KALRN: variants seen among roughly 807,000 people sequenced by gnomAD.
The protein encoded by KALRN is kalirin RhoGEF kinase.
In KALRN, 70 loss-of-function variants were observed where a neutral mutation model predicts 353.7. That is an observed-to-expected ratio of 0.20 (90% CI 0.16 to 0.24). KALRN has a LOEUF of 0.24. Ranked by LOEUF, KALRN falls within the 10% of genes least tolerant of loss-of-function variation. KALRN has a pLI of 1.00. For missense variants in KALRN, 2,791 were observed against 3,756.7 expected (o/e 0.74, Z 6.72); for synonymous variants, 1,391 against 1,434.8 (o/e 0.97, Z 0.69).
chr3:124,338,145 C>A (rs913124715), intron 9 of KALRN, among the ~76,000 whole-genome samples: 1 of 152,044 alleles, frequency 6.6e-6, no homozygotes, highest in African/African-American at 2.4e-5. Context: ...TTCAGTTCTT[C>A]TCTGATCTTA....
chr3:124,537,355 T>A (rs2109265672), intron 33 of KALRN, among the ~76,000 whole-genome samples: 1 of 152,296 alleles, frequency 6.6e-6, no homozygotes, highest in Admixed American at 6.5e-5. Context: ...AGAAATTTTT[T>A]AAAACCACGA....
intron 1 of KALRN, among the ~76,000 whole-genome samples, chr3:124,111,570 T>C (rs373277283): frequency 1.3e-5 from 2 of 152,208 alleles, no homozygotes; most frequent in Non-Finnish European, 2.9e-5. Flanking sequence ...ACCAACTGTG[T>C]CTATCACAGT....
At chr3:124,066,806 G>T (rs1271518257) in intron 1 of KALRN, among the ~76,000 whole-genome samples, 1 of 152,308 alleles carries the variant, frequency 6.6e-6, no homozygotes, top group East Asian at 1.9e-4. Flanking sequence ...GGAACAGGTG[G>T]AGAGTGATGG....
At chr3:124,393,272 ACT>A (rs2150042595) in intron 11 of KALRN, among the ~76,000 whole-genome samples, 1 of 151,956 alleles carries the variant, frequency 6.6e-6, no homozygotes, top group South Asian at 2.1e-4. Context: ...GGCCCCTGAA[ACT>A]CTGCCTCTCT....
intron 13 of KALRN, among the ~76,000 whole-genome samples, chr3:124,400,676 A>G (rs938343121): frequency 1.3e-5 from 2 of 152,318 alleles, no homozygotes. Context: ...AAGAGAGGGT[A>G]TGGGTCATTA....
At position 124,364,296 on chromosome 3, in the gene KALRN, G is replaced by A. The variant is rs577226259; in HGVS notation, c.1770+17031G>A. On this transcript the variant is annotated intron_variant, in intron 10 of 59. Transcript: ENST00000682506. ...ATAGCTCTTGGCCTGTGAATGTCAG[G>A]AACAGTCAAGAGTTTCAGAAAATTA... is the stretch of plus-strand genomic sequence containing the variant. Among the ~76,000 whole-genome samples, 9 of 152,298 alleles carry A rather than the reference G, an allele frequency of 5.9e-5. No individual in the cohort carries two copies. In the South Asian group the frequency reaches 1.9e-3, roughly 32 times the overall value.
intron 25 of KALRN, among the ~76,000 whole-genome samples, chr3:124,471,864 G>A (rs2060935919): frequency 6.6e-6 from 1 of 151,674 alleles, no homozygotes; most frequent in South Asian, 2.1e-4. Context: ...CTACTCGGGA[G>A]GCTGAGGCAG....
chr3:124,555,248 TCAGCCCGGCG>T (rs2071074704), intron 33 of KALRN, among the ~76,000 whole-genome samples: 1 of 151,824 alleles, frequency 6.6e-6, no homozygotes, highest in Admixed American at 6.6e-5. Flanking sequence ...AAAAAAGTTC[TCAGCCCGGCG>T]CAGTGGCTCA....
At chr3:124,666,388 A>G (rs2085623353) in intron 45 of KALRN, 61 bp from the exon 46 acceptor site, 1 of 1,517,828 alleles carries the variant, frequency 6.6e-7, no homozygotes, top group Non-Finnish European at 9.1e-7. Context: ...CTGTGGACCC[A>G]GAGGGCAGTG....
intron 1 of KALRN, among the ~76,000 whole-genome samples, chr3:124,115,104 G>A (rs576086041): frequency 1.3e-5 from 2 of 152,298 alleles, no homozygotes; most frequent in Non-Finnish European, 2.9e-5. Flanking sequence ...ATGGGTAAAA[G>A]TTGGGCTTGT....
At position 124,663,189 on chromosome 3, in the gene KALRN, C is replaced by T. The variant is rs534377866; in HGVS notation, c.6345+1261C>T. ...CTCGAACTCCCGACCTCAGGTGATCCGCCCGCCTCGGCCTCCCAAAGTGCT... is the reference window on the plus strand; with the variant it reads ...CTCGAACTCCCGACCTCAGGTGATCTGCCCGCCTCGGCCTCCCAAAGTGCT... On this transcript the variant is annotated intron_variant, in intron 45 of 59. Transcript: ENST00000682506. 6.6e-5 allele frequency among the ~76,000 whole-genome samples: 10 copies of T among 152,286 alleles called. No individual in the cohort carries two copies. In the East Asian group the frequency reaches 9.6e-4, roughly 15 times the overall value.
chr3:124,504,480 C>T (rs895250864), intron 33 of KALRN, among the ~76,000 whole-genome samples: 1 of 152,186 alleles, frequency 6.6e-6, no homozygotes, highest in Non-Finnish European at 1.5e-5. Context: ...CCCATCCACC[C>T]ACTATGCTGA....
At chr3:124,044,859 C>G (rs4995856) in intron 1 of KALRN, among the ~76,000 whole-genome samples, 1 of 43,220 alleles carries the variant, frequency 2.3e-5, no homozygotes, top group East Asian at 6.8e-4. Flanking sequence ...CCCTCCCTCC[C>G]TCCTTCCTTC....
chr3:124,531,935 A>G (rs1017882769), intron 33 of KALRN, among the ~76,000 whole-genome samples: 1 of 152,222 alleles, frequency 6.6e-6, no homozygotes, highest in Non-Finnish European at 1.5e-5. Context: ...TGTTTAAAGT[A>G]TAAAGGTAAG....
intron 28 of KALRN, among the ~76,000 whole-genome samples, chr3:124,485,103 AT>A (rs1468157832): frequency 6.6e-6 from 1 of 152,260 alleles, no homozygotes; most frequent in African/African-American, 2.4e-5. Context: ...CTCAAAAAAA[AT>A]AAATGAATAA....
chr3:124,208,975 A>C (rs988313140), intron 1 of KALRN, among the ~76,000 whole-genome samples: 9 of 151,672 alleles, frequency 5.9e-5, no homozygotes, highest in African/African-American at 2.2e-4. Flanking sequence ...CAATAATAAT[A>C]ATAATAATAA....
intron 6 of KALRN, among the ~76,000 whole-genome samples, chr3:124,300,802 G>A (rs1580697327): frequency 6.6e-6 from 1 of 152,352 alleles, no homozygotes; most frequent in Admixed American, 6.5e-5. Context: ...CATCAACACT[G>A]ATTGTGTTAT....
At chr3:124,056,239 T>C (rs1225133827) in intron 1 of KALRN, among the ~76,000 whole-genome samples, 1 of 152,166 alleles carries the variant, frequency 6.6e-6, no homozygotes, top group Non-Finnish European at 1.5e-5. Context: ...AGGAAATTTG[T>C]TTGTGTTTAT....
chr3:124,299,276 G>T (rs1012501809), intron 6 of KALRN, among the ~76,000 whole-genome samples: 1 of 152,210 alleles, frequency 6.6e-6, no homozygotes, highest in South Asian at 2.1e-4. Flanking sequence ...GGGGCCTCAA[G>T]CTGTGGCACA....
Sources: gnomAD v4.1 joint callset for allele counts (sites outside exome capture counted in the v4.1 genomes callset) on GRCh38, gnomAD v4.1.1 for gene constraint, MANE v1.5 for transcripts, NCBI Gene and HGNC (gene_info 2026-07-23, HGNC 2026-07-21) for gene names.